Variants in CYP2C19 observed in about 807,000 individuals in gnomAD.
CYP2C19 encodes the protein cytochrome P450 2C19.
A neutral mutation model predicts 40.9 loss-of-function variants in CYP2C19; 59 were observed. The ratio of observed to expected loss-of-function variants is 1.44; its 90% CI spans 1.17 to 1.79. The LOEUF (loss-of-function observed/expected upper bound fraction) is 1.79, where lower values mean the gene tolerates loss of function less well. Ranked by LOEUF, CYP2C19 falls within the 40% of genes most tolerant of loss-of-function variation. The probability of loss-of-function intolerance (pLI) is 0.00; values close to 1 mark genes in which losing one functional copy is unlikely to be tolerated. For synonymous variants in CYP2C19, 253 were observed against 208.7 expected, an observed-to-expected ratio of 1.21 and a Z score of -1.83; for missense variants, 754 against 596.9, an observed-to-expected ratio of 1.26 and a Z score of -2.74.
At chr10:94,809,542 A>G (rs1378902255) in intron 5 of CYP2C19, among the ~76,000 whole-genome samples, 1 of 151,972 alleles carries the variant, frequency 6.6e-6, no homozygotes, top group Non-Finnish European at 1.5e-5. Context: ...TCCTGTTTGA[A>G]TACCTTTTAT....
chr10:94,780,787 G>T (rs1040874163), intron 4 of CYP2C19, 128 bp downstream of exon 4: 1 of 1,013,084 alleles, frequency 9.9e-7, no homozygotes, highest in Non-Finnish European at 1.5e-6. Flanking sequence ...GACAGCCATG[G>T]GGTGAATATC....
intron 3 of CYP2C19, among the ~76,000 whole-genome samples, chr10:94,776,997 T>C (rs1848416090): frequency 6.6e-6 from 1 of 152,084 alleles, no homozygotes; most frequent in African/African-American, 2.4e-5. Context: ...AGCATTCCTA[T>C]ACACCAATAA....
chr10:94,844,810 A>G (rs962445523), intron 7 of CYP2C19, among the ~76,000 whole-genome samples: 1 of 152,212 alleles, frequency 6.6e-6, no homozygotes, highest in African/African-American at 2.4e-5. Context: ...TGAGGGTAAT[A>G]GTAATGAAAC....
At chr10:94,794,168 G>T (rs1220262606) in intron 5 of CYP2C19, among the ~76,000 whole-genome samples, 1 of 152,176 alleles carries the variant, frequency 6.6e-6, no homozygotes, top group Non-Finnish European at 1.5e-5. Context: ...CCACGCATGG[G>T]ATATAATCTC....
chr10:94,835,177 A>G (rs1396309099), intron 6 of CYP2C19, among the ~76,000 whole-genome samples: 1 of 152,210 alleles, frequency 6.6e-6, no homozygotes, highest in Non-Finnish European at 1.5e-5. Flanking sequence ...GAGGTTAAAG[A>G]TACAGGGATT....
intron 1 of CYP2C19, among the ~76,000 whole-genome samples, chr10:94,765,036 A>T (rs1397822645): frequency 6.6e-6 from 1 of 152,174 alleles, no homozygotes; most frequent in Non-Finnish European, 1.5e-5. Context: ...GAGGAGGTCT[A>T]GTCCTCAGTG....
chr10:94,852,047 T>G (rs1039907224), intron 8 of CYP2C19, among the ~76,000 whole-genome samples: 4 of 152,132 alleles, frequency 2.6e-5, no homozygotes, highest in African/African-American at 9.7e-5. Flanking sequence ...AGGAGAAGCA[T>G]GATATAAAAC....
intron 1 of CYP2C19, among the ~76,000 whole-genome samples, chr10:94,769,244 T>C (rs1189213282): frequency 1.3e-5 from 2 of 152,118 alleles, no homozygotes; most frequent in Non-Finnish European, 2.9e-5. Context: ...AACTGATAGC[T>C]AAAAGTAAAT....
chr10:94,821,877 T>C (rs781682204), intron 6 of CYP2C19, among the ~76,000 whole-genome samples: 2 of 152,116 alleles, frequency 1.3e-5, no homozygotes, highest in Non-Finnish European at 2.9e-5. Flanking sequence ...GGGTCCCAAC[T>C]ATTTCATCAC....
In CYP2C19 at chr10:94,854,461, A is replaced by G. The variant is rs1049306007; in HGVS notation, c.*1547A>G. Among the ~76,000 whole-genome samples the G allele has an allele frequency of 3.3e-5, 5 of 152,078 alleles. No homozygotes were observed. The highest frequency in any genetic ancestry group is 5.9e-5 in the Non-Finnish European group (4 of 68,010). ...CTCATGTCATCTCCAAAGCATAGAC[A>G]ACTAAGTATCTTATGTTAAATTATG... On this transcript the variant is annotated 3_prime_UTR_variant, in exon 9 of 9. Coordinates refer to ENST00000371321, the MANE Select transcript of CYP2C19 (RefSeq NM_000769.4).
intron 6 of CYP2C19, among the ~76,000 whole-genome samples, chr10:94,832,995 C>A (rs1307140139): frequency 1.3e-5 from 2 of 151,948 alleles, no homozygotes; most frequent in Non-Finnish European, 2.9e-5. Context: ...TAAATTAATT[C>A]CTAGGTATTT....
Position 94,816,783 on chromosome 10 carries a change from G to A in CYP2C19, c.820-3713G>A, listed in dbSNP as rs369102785. On this transcript the variant is annotated intron_variant, in intron 5 of 8. Coordinates refer to ENST00000371321, the MANE Select transcript of CYP2C19 (RefSeq NM_000769.4). The stretch of plus-strand genomic sequence containing the variant: ...GTGGTATTCCCCTTCATGTGTCCAT[G>A]TGATCTCATTGTTCAATTCCCACCT... Among the ~76,000 whole-genome samples, 90 of 145,792 alleles carry A rather than the reference G, an allele frequency of 6.2e-4. 1 individual carries two copies. The East Asian group carries it at 0.017, about 28-fold the overall frequency.
At chr10:94,837,714 A>T (rs2134282832) in intron 6 of CYP2C19, among the ~76,000 whole-genome samples, 1 of 152,112 alleles carries the variant, frequency 6.6e-6, no homozygotes, top group African/African-American at 2.4e-5. Flanking sequence ...TGTCCAGGAG[A>T]CAGTTAACCT....
intron 6 of CYP2C19, among the ~76,000 whole-genome samples, chr10:94,829,449 G>T (rs562927493): frequency 8.5e-5 from 13 of 152,170 alleles, no homozygotes; most frequent in African/African-American, 4.8e-5. Flanking sequence ...GATCGCATTG[G>T]CTCCTGAGAC....
intron 6 of CYP2C19, among the ~76,000 whole-genome samples, chr10:94,838,806 T>C (rs1384980133): frequency 6.6e-6 from 1 of 152,092 alleles, no homozygotes; most frequent in Non-Finnish European, 1.5e-5. Context: ...CTTCACTCCA[T>C]TTGCCTTTTT....
chr10:94,775,543 G>T lies in CYP2C19; in HGVS notation c.481+4G>T. 6.2e-7 allele frequency: 1 copy of T among 1,613,876 alleles called. No individual in the cohort carries two copies. The highest frequency in any genetic ancestry group is 8.5e-7 in the Non-Finnish European group (1 of 1,179,854). Reference sequence around the variant, plus strand: ...GAGGAGTTGAGAAAAACCAAGGGTGGGTGAACATACTCTCTATCACTGACC... The same window carrying T: ...GAGGAGTTGAGAAAAACCAAGGGTGTGTGAACATACTCTCTATCACTGACC... On this transcript the variant is annotated splice_donor_region_variant and intron_variant, in intron 3 of 8. Transcript: ENST00000371321.
At chr10:94,815,769 T>C (rs192714331) in intron 5 of CYP2C19, among the ~76,000 whole-genome samples, 40 of 152,362 alleles carry the variant, frequency 2.6e-4, no homozygotes, top group African/African-American at 9.1e-4. Context: ...AAACTCATTC[T>C]CTTTCTCTAT....
intron 6 of CYP2C19, among the ~76,000 whole-genome samples, chr10:94,832,706 GT>G (rs1321932597): frequency 6.6e-6 from 1 of 151,802 alleles, no homozygotes; most frequent in African/African-American, 2.4e-5. Flanking sequence ...GATTCCTCCA[GT>G]TTTGTTTTTT....
chr10:94,791,335 C>A (rs7077029), intron 5 of CYP2C19, among the ~76,000 whole-genome samples: 1 of 151,786 alleles, frequency 6.6e-6, no homozygotes, highest in African/African-American at 2.4e-5. Flanking sequence ...GATTCATTAA[C>A]TTTTTGAAGG....
Sources: gnomAD v4.1 joint callset for allele counts (sites outside exome capture counted in the v4.1 genomes callset) on GRCh38, gnomAD v4.1.1 for gene constraint, MANE v1.5 for transcripts, NCBI Gene and HGNC (gene_info 2026-07-23, HGNC 2026-07-21) for gene names.